Variants in ADAMTS18 observed in about 807,000 individuals in gnomAD.
The protein encoded by ADAMTS18 is ADAM metallopeptidase with thrombospondin type 1 motif 18.
A neutral mutation model predicts 165.9 loss-of-function variants in ADAMTS18; 157 were observed. The ratio of observed to expected loss-of-function variants is 0.95; its 90% CI spans 0.83 to 1.08. The LOEUF (loss-of-function observed/expected upper bound fraction) is 1.08, where lower values mean the gene tolerates loss of function less well. ADAMTS18 is among the 50% of genes least tolerant of loss of function. ADAMTS18 has a pLI of 0.00. For missense variants in ADAMTS18, 2,040 were observed against 1,534.0 expected (o/e 1.33, Z -5.51); for synonymous variants, 782 against 578.2 (o/e 1.35, Z -5.06).
chr16:77,387,389 A>G (rs2057123996), intron 3 of ADAMTS18, among the ~76,000 whole-genome samples: 1 of 152,204 alleles, frequency 6.6e-6, no homozygotes, highest in African/African-American at 2.4e-5. Context: ...GGGATAAATT[A>G]TATTTCATAA....
intron 3 of ADAMTS18, among the ~76,000 whole-genome samples, chr16:77,391,816 T>A (rs1159129498): frequency 6.6e-6 from 1 of 152,186 alleles, no homozygotes; most frequent in African/African-American, 2.4e-5. Context: ...AGGAATTCAT[T>A]TTAGATCAAG....
chr16:77,362,083 G>C lies in ADAMTS18; in HGVS notation c.1216+22C>G, dbSNP rs375590399. ...GTGTTTTCAGCTAACAGGTGTGTGT[G>C]AAGGATCTGTTCATACCATACCTAG... On this transcript the variant is annotated intron_variant, in intron 7 of 22. Transcript: ENST00000282849. The C allele has an allele frequency of 1.4e-5, 22 of 1,613,598 alleles. No individual in the cohort carries two copies. In the African/African-American group the frequency reaches 2.5e-4, roughly 19 times the overall value.
At chr16:77,391,988 T>C (rs2057193935) in intron 3 of ADAMTS18, among the ~76,000 whole-genome samples, 1 of 152,226 alleles carries the variant, frequency 6.6e-6, no homozygotes, top group Non-Finnish European at 1.5e-5. Flanking sequence ...TGATTACCTA[T>C]GTTCCCAGAA....
chr16:77,366,690 G>C (rs1303055016), intron 4 of ADAMTS18, among the ~76,000 whole-genome samples: 2 of 152,202 alleles, frequency 1.3e-5, no homozygotes, highest in Non-Finnish European at 2.9e-5. Context: ...GTTAAATGCA[G>C]ATTAAGTATT....
At chr16:77,379,387 G>A (rs979092858) in intron 3 of ADAMTS18, among the ~76,000 whole-genome samples, 2 of 152,218 alleles carry the variant, frequency 1.3e-5, no homozygotes, top group Admixed American at 6.5e-5. Flanking sequence ...AATGGCTATT[G>A]CTGGGAGAAC....
intron 12 of ADAMTS18, among the ~76,000 whole-genome samples, chr16:77,331,190 T>C (rs903566511): frequency 6.6e-6 from 1 of 152,210 alleles, no homozygotes; most frequent in South Asian, 2.1e-4. Flanking sequence ...CCTATTATAA[T>C]GAGAGCTCTC....
At chr16:77,300,165 G>C (rs2055553197) in intron 17 of ADAMTS18, 98 bp downstream of exon 17, 3 of 1,410,690 alleles carry the variant, frequency 2.1e-6, no homozygotes, top group Admixed American at 1.8e-5. Flanking sequence ...CAGTTCTTGG[G>C]TGGCTTATTT....
intron 16 of ADAMTS18, among the ~76,000 whole-genome samples, chr16:77,317,356 G>A (rs548875717): frequency 6.6e-6 from 1 of 152,288 alleles, no homozygotes; most frequent in East Asian, 1.9e-4. Context: ...TTGAGATGGA[G>A]TCTCACTCAC....
At chr16:77,293,944 G>C (rs1022551635) in intron 19 of ADAMTS18, among the ~76,000 whole-genome samples, 1 of 151,734 alleles carries the variant, frequency 6.6e-6, no homozygotes, top group African/African-American at 2.4e-5. Flanking sequence ...CCTGGGGGTT[G>C]GGGACCCTTG....
chr16:77,334,727 A>ATATACTATATATATATACTG (rs2056267080), intron 12 of ADAMTS18, among the ~76,000 whole-genome samples: 1 of 73,422 alleles, frequency 1.4e-5, no homozygotes, highest in Non-Finnish European at 2.4e-5. Flanking sequence ...GTATACTACT[A>ATATACTATATATATATACTG]TATACTATAG....
At chr16:77,307,697 A>G (rs534358835) in intron 16 of ADAMTS18, among the ~76,000 whole-genome samples, 17 of 152,082 alleles carry the variant, frequency 1.1e-4, no homozygotes, top group Non-Finnish European at 2.9e-5. Context: ...GTTCTGAATT[A>G]ATTCTCCATT....
At chr16:77,413,680 T>C (rs941584516) in intron 3 of ADAMTS18, among the ~76,000 whole-genome samples, 1 of 151,306 alleles carries the variant, frequency 6.6e-6, no homozygotes, top group African/African-American at 2.4e-5. Context: ...CATATGTTAT[T>C]TAGTATACTT....
intron 18 of ADAMTS18, 43 bp from the exon 19 acceptor site, chr16:77,295,170 TATG>T (rs778981096): frequency 1.5e-5 from 24 of 1,605,634 alleles, no homozygotes; most frequent in Middle Eastern, 1.6e-4. Flanking sequence ...CCAAACTTTG[TATG>T]ATAACTTCCA....
intron 3 of ADAMTS18, among the ~76,000 whole-genome samples, chr16:77,423,043 G>C (rs1240120324): frequency 6.6e-6 from 1 of 152,136 alleles, no homozygotes; most frequent in Non-Finnish European, 1.5e-5. Flanking sequence ...TGAATCCCTA[G>C]GCTCTACCCA....
chr16:77,380,838 C>G (rs1253249126), intron 3 of ADAMTS18, among the ~76,000 whole-genome samples: 2 of 152,100 alleles, frequency 1.3e-5, no homozygotes, highest in Admixed American at 6.6e-5. Context: ...CTGACTCTCA[C>G]TGCAGCTCTA....
At chr16:77,403,259 C>T (rs935276834) in intron 3 of ADAMTS18, among the ~76,000 whole-genome samples, 1 of 152,088 alleles carries the variant, frequency 6.6e-6, no homozygotes, top group East Asian at 1.9e-4. Flanking sequence ...ATTTTTTTAT[C>T]CTTAGGCTAA....
At chr16:77,311,118 T>C (rs1281990467) in intron 16 of ADAMTS18, among the ~76,000 whole-genome samples, 1 of 152,210 alleles carries the variant, frequency 6.6e-6, no homozygotes, top group Non-Finnish European at 1.5e-5. Flanking sequence ...AAGAGGAACA[T>C]TACTCTCACA....
Position 77,314,773 on chromosome 16 carries a change from TATATATATATATAA to T in ADAMTS18, c.2532+5062_2532+5075del, listed in dbSNP as rs1435813830. 7.9e-4 allele frequency among the ~76,000 whole-genome samples: 66 copies of T among 83,430 alleles called. 13 individuals are homozygous for T. The highest frequency in any genetic ancestry group is 6.7e-4 in the Non-Finnish European group (27 of 40,312). The allele number at this position is 83,430 out of a possible 152,430, so 54.7% of individuals were successfully genotyped here. A position where few individuals can be genotyped will look rare whatever the true frequency, so the allele number is the denominator to read the frequency against. On this transcript the variant is annotated intron_variant, in intron 16 of 22. Transcript: ENST00000282849. ...GGTTTCATATATATATATATATATA[TATATATATATATAA>T]AATATATGTGATATGCTCAGAAGGC... is the stretch of plus-strand genomic sequence containing the variant.
chr16:77,417,753 A>G (rs1035014674), intron 3 of ADAMTS18, among the ~76,000 whole-genome samples: 1 of 152,246 alleles, frequency 6.6e-6, no homozygotes, highest in South Asian at 2.1e-4. Context: ...AATAATAATC[A>G]TCATCATAAT....
Sources: gnomAD v4.1 joint callset for allele counts (sites outside exome capture counted in the v4.1 genomes callset) on GRCh38, gnomAD v4.1.1 for gene constraint, MANE v1.5 for transcripts, NCBI Gene and HGNC (gene_info 2026-07-23, HGNC 2026-07-21) for gene names.